ZDHHC20: variants seen among roughly 807,000 people sequenced by gnomAD.
ZDHHC20 encodes palmitoyltransferase ZDHHC20.
A neutral mutation model predicts 57.8 loss-of-function variants in ZDHHC20; 43 were observed. The observed-to-expected ratio is 0.74, with a 90% CI of 0.58 to 0.96. The LOEUF (loss-of-function observed/expected upper bound fraction) is 0.96. ZDHHC20 is among the 40% of genes least tolerant of loss of function. The pLI, the probability that ZDHHC20 is intolerant of heterozygous loss-of-function variation, is 0.00. For missense variants in ZDHHC20, 391 were observed against 441.1 expected (o/e 0.89, Z 1.02); for synonymous variants, 157 against 153.0 (o/e 1.03, Z -0.19).
Position 21,425,692 on chromosome 13 carries a change from A to G in ZDHHC20, c.119-14T>C. ...CAAAAATAGTAACTAGAATAGAAGA[A>G]AAAATAGTGAATAAATATACTTTAA... On this transcript the variant is annotated splice_polypyrimidine_tract_variant and intron_variant, in intron 1 of 12. Transcript: ENST00000400590. 1 of 1,142,444 alleles carries G rather than the reference A, an allele frequency of 8.8e-7. No homozygotes were observed. The highest frequency in any genetic ancestry group is 1.2e-6 in the Non-Finnish European group (1 of 846,526). The allele number at this position is 1,142,444 out of a possible 1,614,324, so 70.8% of individuals were successfully genotyped here. A position where few individuals can be genotyped will look rare whatever the true frequency, so the allele number is the denominator to read the frequency against.
At chr13:21,420,533 G>C (rs1880531029) in intron 3 of ZDHHC20, among the ~76,000 whole-genome samples, 3 of 152,184 alleles carry the variant, frequency 2.0e-5, no homozygotes, top group Non-Finnish European at 4.4e-5. Context: ...CAGCTATGGA[G>C]AGGTAAGAGA....
chr13:21,423,333 C>G (rs538673525), intron 2 of ZDHHC20, among the ~76,000 whole-genome samples: 1 of 152,294 alleles, frequency 6.6e-6, no homozygotes, highest in East Asian at 1.9e-4. Context: ...TCTCTCTATC[C>G]TGTCAGTTCC....
chr13:21,439,112 T>C (rs1248406109), intron 1 of ZDHHC20, among the ~76,000 whole-genome samples: 1 of 152,198 alleles, frequency 6.6e-6, no homozygotes, highest in African/African-American at 2.4e-5. Context: ...TGGTATGAAA[T>C]CAAACCTGCA....
intron 3 of ZDHHC20, among the ~76,000 whole-genome samples, chr13:21,415,461 T>C (rs912743028): frequency 6.6e-6 from 1 of 152,060 alleles, no homozygotes; most frequent in African/African-American, 2.4e-5. Context: ...AGAAGCAACA[T>C]GGACAGATGA....
chr13:21,398,255 G>A (rs1463085142), intron 7 of ZDHHC20, among the ~76,000 whole-genome samples: 1 of 152,084 alleles, frequency 6.6e-6, no homozygotes, highest in Non-Finnish European at 1.5e-5. Context: ...ACGAGGTCAG[G>A]AGATCGAGAC....
intron 7 of ZDHHC20, among the ~76,000 whole-genome samples, chr13:21,399,177 T>TA: frequency 6.6e-6 from 1 of 151,960 alleles, no homozygotes; most frequent in East Asian, 1.9e-4. Context: ...ACCCTGTCTC[T>TA]ACTAAAAATA....
chr13:21,387,572 T>C lies in ZDHHC20; in HGVS notation c.790A>G (p.Ser264Gly), dbSNP rs778797530. The change falls in exon 9 of 13, where the codon AGT becomes GGT. Residue 264 changes from serine (S) to glycine (G), a missense_variant. By Grantham distance (56) the Ser-to-Gly change is moderately conservative (BLOSUM62 0). Around this residue, in one of 3 missense-constraint regions of ZDHHC20, gnomAD observed 197 missense variants for 220.8 expected, o/e 0.89. Transcript: ENST00000400590. ...PDGNGFSLGC[S>G]KNWRQVFGDE... ...CCAAAGACTTGTCTCCAATTTTTAC[T>C]GCATCCAAGAGAGAAACCATTTCCA... 1.3e-6 allele frequency: 2 copies of C among 1,527,006 alleles called. No homozygotes were observed. Among genetic ancestry groups the C allele is most frequent in the African/African-American group, 1.4e-5 (1 of 72,046 alleles). 94.6% of individuals were successfully genotyped at this position (1,527,006 alleles called of 1,614,324 possible).
At chr13:21,377,410 A>G (rs199911559) in intron 12 of ZDHHC20, among the ~76,000 whole-genome samples, 729 of 50,326 alleles carry the variant, frequency 0.014, no homozygotes, top group Middle Eastern at 0.026. Flanking sequence ...ACTCTGCCCG[A>G]CGTGACCTCC....
rs934497797 is a variant in ZDHHC20, at chr13:21,383,382, A to C, written c.855-373T>G. 2.0e-5 allele frequency among the ~76,000 whole-genome samples: 3 copies of C among 152,252 alleles called. No homozygotes were observed. The South Asian group carries it at 6.2e-4, about 32-fold the overall frequency. The stretch of plus-strand genomic sequence containing the variant: ...CTCTTGTTGTCTGCCACCATATAAA[A>C]CGTGAGTTGCTTCTCCTTGCCTTCC... On this transcript the variant is annotated intron_variant, in intron 9 of 12. Transcript: ENST00000400590.
intron 6 of ZDHHC20, among the ~76,000 whole-genome samples, chr13:21,400,742 A>G (rs1015585453): frequency 3.3e-5 from 5 of 152,108 alleles, no homozygotes; most frequent in African/African-American, 1.2e-4. Flanking sequence ...TGGGAGTCTC[A>G]TTCTGTTGCC....
chr13:21,404,190 A>G (rs1453505673), intron 4 of ZDHHC20: 1 of 407,818 alleles, frequency 2.5e-6, no homozygotes, highest in Non-Finnish European at 4.9e-6. Flanking sequence ...AATTTTCCAT[A>G]CAGAATACAT....
Position 21,395,257 on chromosome 13 carries a change from G to A in ZDHHC20, c.595-3403C>T, listed in dbSNP as rs894654905. 4.0e-5 allele frequency among the ~76,000 whole-genome samples: 6 copies of A among 151,704 alleles called. No homozygotes were observed. The East Asian group carries it at 7.8e-4, about 20-fold the overall frequency. ...AATTCTTTGTATTTTTAGTAGATAC[G>A]GGGTTTCACCATGTTAGTCAGGATG... On this transcript the variant is annotated intron_variant, in intron 7 of 12. Transcript: ENST00000400590.
At chr13:21,454,875 C>A (rs1394367268) in intron 1 of ZDHHC20, among the ~76,000 whole-genome samples, 1 of 152,050 alleles carries the variant, frequency 6.6e-6, no homozygotes, top group African/African-American at 2.4e-5. Context: ...AAAGGTATAC[C>A]TGTCCTTGAA....
chr13:21,383,012 G>A lies in ZDHHC20; in HGVS notation c.855-3C>T, dbSNP rs761165273. On this transcript the variant is annotated splice_polypyrimidine_tract_variant and splice_region_variant and intron_variant, in intron 9 of 12. Transcript: ENST00000400590. ...GAAAACTGCAACCATCACCCAAGCT[G>A]CATAATGAAAAAGAGTAATAATTTA... 1.9e-6 allele frequency: 3 copies of A among 1,554,010 alleles called. No individual in the cohort carries two copies. Among genetic ancestry groups the A allele is most frequent in the African/African-American group, 1.4e-5 (1 of 73,100 alleles).
chr13:21,400,524 A>C, intron 6 of ZDHHC20, 31 bp from the exon 7 acceptor site: 1 of 1,525,360 alleles, frequency 6.6e-7, no homozygotes, highest in Non-Finnish European at 8.8e-7. Flanking sequence ...ACATTATAAA[A>C]GTAAGACAAA....
At chr13:21,453,499 C>T (rs1396266150) in intron 1 of ZDHHC20, among the ~76,000 whole-genome samples, 1 of 152,186 alleles carries the variant, frequency 6.6e-6, no homozygotes, top group African/African-American at 2.4e-5. Flanking sequence ...CAACAAACAG[C>T]ACAATACATT....
At chr13:21,402,484 A>G (rs183624376) in intron 5 of ZDHHC20, among the ~76,000 whole-genome samples, 3 of 152,336 alleles carry the variant, frequency 2.0e-5, no homozygotes, top group East Asian at 3.9e-4. Context: ...CTGGGATTCC[A>G]AACTAACGAT....
intron 5 of ZDHHC20, among the ~76,000 whole-genome samples, chr13:21,402,249 G>A (rs1253097553): frequency 6.6e-6 from 1 of 152,062 alleles, no homozygotes; most frequent in African/African-American, 2.4e-5. Context: ...TGGGCTTGGA[G>A]ATGGTTATTT....
At chr13:21,453,120 A>G (rs1322795926) in intron 1 of ZDHHC20, among the ~76,000 whole-genome samples, 4 of 152,224 alleles carry the variant, frequency 2.6e-5, no homozygotes, top group Non-Finnish European at 4.4e-5. Context: ...AAAAGGACAG[A>G]GAAAGATACA....
Sources: allele counts gnomAD v4.1 joint callset (sites outside exome capture counted in the v4.1 genomes callset), GRCh38; gene constraint gnomAD v4.1.1; regional missense constraint gnomAD v4.1.1; transcripts MANE v1.5; gene names NCBI Gene and HGNC (gene_info 2026-07-23, HGNC 2026-07-21).